RPL32: variants seen among roughly 807,000 people sequenced by gnomAD.
RPL32 encodes large ribosomal subunit protein eL32.
For missense variants in RPL32, 117 were observed against 173.7 expected, an observed-to-expected ratio of 0.67 and a Z score of 1.83; for synonymous variants, 61 against 62.6, an observed-to-expected ratio of 0.98 and a Z score of 0.12.
At position 12,834,713 on chromosome 3, in the gene RPL32, A is replaced by G. The variant is rs1046531304; in HGVS notation, c.*1381T>C. The G allele has an allele frequency of 2.0e-5, 3 of 152,320 alleles. No homozygotes were observed. The highest frequency in any genetic ancestry group is 7.2e-5 in the African/African-American group (3 of 41,458). The allele number at this position is 152,320 out of a possible 1,614,324, so 9.4% of individuals were successfully genotyped here. On this transcript the variant is annotated 3_prime_UTR_variant, in exon 4 of 4. Transcript: ENST00000429711. Reference sequence around the variant, plus strand: ...TCTGAGGAAGGTTTCAAATGTGTCTAGTGTTCAGTATTGAGGACAAAGAAA... The same window carrying G: ...TCTGAGGAAGGTTTCAAATGTGTCTGGTGTTCAGTATTGAGGACAAAGAAA...
chr3:12,836,299 G>T, intron 3 of RPL32, 76 bp from the exon 4 acceptor site: 1 of 1,565,742 alleles, frequency 6.4e-7, no homozygotes, highest in South Asian at 1.1e-5. Flanking sequence ...GAGGCAATGA[G>T]TCCCAGCACC....
intron 1 of RPL32, 49 bp from the exon 2 acceptor site, chr3:12,840,291 C>T: frequency 7.5e-7 from 1 of 1,334,870 alleles, no homozygotes; most frequent in South Asian, 1.2e-5. Context: ...TGGAAGGAGG[C>T]TTTCCTGCCC....
chr3:12,836,253 A>C (rs766177440), intron 3 of RPL32, 30 bp from the exon 4 acceptor site: 1 of 1,599,288 alleles, frequency 6.3e-7, no homozygotes, highest in Non-Finnish European at 8.5e-7. Context: ...GTAAGGAGCA[A>C]GACAGCCCTC....
intron 3 of RPL32, among the ~76,000 whole-genome samples, chr3:12,838,686 CT>C (rs1388056346): frequency 4.1e-4 from 62 of 152,252 alleles, no homozygotes; most frequent in African/African-American, 1.5e-3. Flanking sequence ...AATGCACTCC[CT>C]CCTTGAATAG....
Position 12,840,247 on chromosome 3 carries a change from T to TG in RPL32, c.-5-6dup. The TG allele has an allele frequency of 6.2e-7, 1 of 1,609,726 alleles. No homozygotes were observed. ...GTCTGAGGGCGGCCATGATGCCTTTTGGGGAAGAAGCGGCCCCAGGTGAGG... is the reference window on the plus strand; with the variant it reads ...GTCTGAGGGCGGCCATGATGCCTTTTGGGGGAAGAAGCGGCCCCAGGTGAGG... On this transcript the variant is annotated splice_polypyrimidine_tract_variant and splice_region_variant and intron_variant, in intron 1 of 3. Transcript: ENST00000429711.
At position 12,835,665 on chromosome 3, in the gene RPL32, G is replaced by A. The variant is rs1465215166; in HGVS notation, c.*429C>T. On this transcript the variant is annotated 3_prime_UTR_variant, in exon 4 of 4. Coordinates refer to ENST00000429711, the MANE Select transcript of RPL32 (RefSeq NM_000994.4). ...ATTTAGGCATCCCGTAAGAATCTGTGTAAGAAATTCATCTGGATATTTCCA... is the reference window on the plus strand; with the variant it reads ...ATTTAGGCATCCCGTAAGAATCTGTATAAGAAATTCATCTGGATATTTCCA... The A allele has an allele frequency of 6.0e-6, 1 of 166,298 alleles. No individual in the cohort carries two copies. Among genetic ancestry groups the A allele is most frequent in the African/African-American group, 2.4e-5 (1 of 41,628 alleles). The allele number at this position is 166,298 out of a possible 1,614,324, so 10.3% of individuals were successfully genotyped here. A position where few individuals can be genotyped will look rare whatever the true frequency, so the allele number is the denominator to read the frequency against.
chr3:12,840,246 T>G lies in RPL32; in HGVS notation c.-5-4A>C, dbSNP rs1298572576. The stretch of plus-strand genomic sequence containing the variant: ...GGTCTGAGGGCGGCCATGATGCCTT[T>G]TGGGGAAGAAGCGGCCCCAGGTGAG... On this transcript the variant is annotated splice_polypyrimidine_tract_variant and splice_region_variant and intron_variant, in intron 1 of 3. Transcript: ENST00000429711. 6.2e-7 allele frequency: 1 copy of G among 1,610,842 alleles called. No homozygotes were observed. Among genetic ancestry groups the G allele is most frequent in the Non-Finnish European group, 8.5e-7 (1 of 1,177,202 alleles).
In RPL32 at chr3:12,836,012, C is replaced by G; in HGVS notation, c.*82G>C. 6.5e-7 allele frequency: 1 copy of G among 1,545,388 alleles called. No homozygotes were observed. On this transcript the variant is annotated 3_prime_UTR_variant, in exon 4 of 4. Coordinates refer to ENST00000429711, the MANE Select transcript of RPL32 (RefSeq NM_000994.4). ...GTGGCAAACTAAGTTGGCCAAGAAG[C>G]TGAAGACTTAAAATCAAGGAAGGAA...
intron 3 of RPL32, 103 bp from the exon 4 acceptor site, chr3:12,836,326 G>T: frequency 7.0e-7 from 1 of 1,424,188 alleles, no homozygotes; most frequent in Non-Finnish European, 9.6e-7. Flanking sequence ...AGAGAGGGCT[G>T]CTTGGTAAGT....
chr3:12,840,788 C>A (rs2062146018), intron 1 of RPL32: 1 of 270,156 alleles, frequency 3.7e-6, no homozygotes, highest in African/African-American at 2.2e-5. Context: ...ATGCCTCAAA[C>A]CTGGAGATCT....
chr3:12,839,029 G>A (rs562896075), intron 3 of RPL32: 1 of 406,668 alleles, frequency 2.5e-6, no homozygotes, highest in South Asian at 2.8e-5. Flanking sequence ...CATAAAGAAA[G>A]CAACATTTTG....
At chr3:12,840,613 T>G in intron 1 of RPL32, 1 of 433,994 alleles carries the variant, frequency 2.3e-6, no homozygotes. Flanking sequence ...ACCATCTACT[T>G]GAACCTGAGT....
At chr3:12,837,180 A>T (rs1182373763) in intron 3 of RPL32, among the ~76,000 whole-genome samples, 2 of 152,074 alleles carry the variant, frequency 1.3e-5, no homozygotes, top group Non-Finnish European at 2.9e-5. Flanking sequence ...ATCAGAGTGT[A>T]CCCACCATTT....
intron 3 of RPL32, among the ~76,000 whole-genome samples, chr3:12,836,460 A>G (rs1241515758): frequency 3.9e-5 from 6 of 152,184 alleles, no homozygotes; most frequent in Non-Finnish European, 5.9e-5. Flanking sequence ...CTTGTAATCC[A>G]GGCATTACCT....
chr3:12,836,381 T>C (rs1301513706), intron 3 of RPL32, among the ~76,000 whole-genome samples, 158 bp from the exon 4 acceptor site: 1 of 152,188 alleles, frequency 6.6e-6, no homozygotes, highest in East Asian at 1.9e-4. Context: ...TGACTATGGT[T>C]CCCTGGTGGT....
intron 2 of RPL32, 130 bp downstream of exon 2, chr3:12,840,012 C>T: frequency 1.3e-6 from 1 of 784,982 alleles, no homozygotes; most frequent in Non-Finnish European, 2.2e-6. Context: ...TGGGGGAGAC[C>T]TGTATTTCTA....
chr3:12,839,725 G>A (rs2062132389), intron 2 of RPL32, 195 bp from the exon 3 acceptor site: 1 of 636,350 alleles, frequency 1.6e-6, no homozygotes, highest in Non-Finnish European at 2.8e-6. Context: ...TAGGGATGAA[G>A]GCACCCCCAC....
chr3:12,838,353 C>A (rs1001695529), intron 3 of RPL32, among the ~76,000 whole-genome samples: 2 of 152,146 alleles, frequency 1.3e-5, no homozygotes, highest in Non-Finnish European at 1.5e-5. Context: ...TTGCAGTGAG[C>A]CGAAGTCATG....
In RPL32 at chr3:12,835,161, C is replaced by G. The variant is rs1159743140; in HGVS notation, c.*933G>C. On this transcript the variant is annotated 3_prime_UTR_variant, in exon 4 of 4. Coordinates refer to ENST00000429711, the MANE Select transcript of RPL32 (RefSeq NM_000994.4). ...CATGACCTATATACTACAGAAGATG[C>G]CTGTAATCCCAGTACTTTGGGAGGC... 6.6e-6 allele frequency: 1 copy of G among 152,194 alleles called. No individual in the cohort carries two copies. Among genetic ancestry groups the G allele is most frequent in the African/African-American group, 2.4e-5 (1 of 41,444 alleles). 9.4% of individuals were successfully genotyped at this position (152,194 alleles called of 1,614,324 possible).
Sources: allele counts gnomAD v4.1 joint callset (sites outside exome capture counted in the v4.1 genomes callset), GRCh38; gene constraint gnomAD v4.1.1; transcripts MANE v1.5; gene names NCBI Gene and HGNC (gene_info 2026-07-23, HGNC 2026-07-21).